GIGYF2: variants seen among roughly 807,000 people sequenced by gnomAD.
GIGYF2 encodes the protein GRB10 interacting GYF protein 2, also known as GRB10-interacting GYF protein 2.
GIGYF2 carries 25 observed loss-of-function variants against 208.1 expected under a neutral mutation model. The ratio of observed to expected loss-of-function variants is 0.12; its 90% CI spans 0.09 to 0.17. GIGYF2 has a LOEUF of 0.17. GIGYF2 is among the 10% of genes least tolerant of loss of function. GIGYF2 has a pLI of 1.00. For missense variants in GIGYF2, 1,302 were observed against 1,579.4 expected, an observed-to-expected ratio of 0.82 and a Z score of 2.98; for synonymous variants, 534 against 543.8, an observed-to-expected ratio of 0.98 and a Z score of 0.25.
intron 2 of GIGYF2, among the ~76,000 whole-genome samples, chr2:232,732,873 A>G (rs555094137): frequency 7.2e-5 from 11 of 151,876 alleles, no homozygotes; most frequent in Admixed American, 6.6e-4. Context: ...CAAGCGATCC[A>G]CCCACCTTGG....
intron 14 of GIGYF2, among the ~76,000 whole-genome samples, chr2:232,800,691 C>T (rs1202805519): frequency 1.3e-5 from 2 of 151,498 alleles, no homozygotes; most frequent in Non-Finnish European, 2.9e-5. Context: ...CTCCAGTGAT[C>T]CCACCCTAGC....
At chr2:232,850,112 G>T in intron 27 of GIGYF2, 150 bp from the exon 28 acceptor site, 1 of 752,150 alleles carries the variant, frequency 1.3e-6, no homozygotes, top group South Asian at 1.5e-5. Flanking sequence ...GGCCGCTCTT[G>T]ATTTTATTAT....
intron 6 of GIGYF2, among the ~76,000 whole-genome samples, chr2:232,758,800 G>T (rs1698639006): frequency 6.6e-6 from 1 of 152,130 alleles, no homozygotes; most frequent in South Asian, 2.1e-4. Context: ...TGAGCAAATG[G>T]CTTTCTCTAA....
At chr2:232,780,734 C>T (rs949204434) in intron 8 of GIGYF2, among the ~76,000 whole-genome samples, 1 of 152,074 alleles carries the variant, frequency 6.6e-6, no homozygotes, top group Non-Finnish European at 1.5e-5. Flanking sequence ...AGTAAGTCAA[C>T]TGAAATACAG....
intron 2 of GIGYF2, among the ~76,000 whole-genome samples, chr2:232,721,069 G>A (rs1696922282): frequency 6.6e-6 from 1 of 152,160 alleles, no homozygotes; most frequent in African/African-American, 2.4e-5. Context: ...ATGCTAATAG[G>A]GTGGTCTCAG....
At chr2:232,827,953 G>T (rs1216868041) in intron 21 of GIGYF2, among the ~76,000 whole-genome samples, 1 of 151,786 alleles carries the variant, frequency 6.6e-6, no homozygotes, top group Non-Finnish European at 1.5e-5. Flanking sequence ...TTGAGAATGG[G>T]TTATTTAATT....
chr2:232,747,492 T>G, intron 3 of GIGYF2, 123 bp from the exon 4 acceptor site: 75 of 1,033,988 alleles, frequency 7.3e-5, no homozygotes, highest in Non-Finnish European at 1.1e-4. Context: ...TCTGATACTT[T>G]GAGATAGTAG....
intron 21 of GIGYF2, among the ~76,000 whole-genome samples, chr2:232,821,358 C>G (rs946860452): frequency 2.0e-5 from 3 of 152,144 alleles, no homozygotes; most frequent in East Asian, 3.9e-4. Context: ...TGCTGCCACG[C>G]TCGGCTAATT....
At chr2:232,782,173 A>G (rs535748125) in intron 8 of GIGYF2, among the ~76,000 whole-genome samples, 26 of 152,354 alleles carry the variant, frequency 1.7e-4, no homozygotes, top group Non-Finnish European at 2.4e-4. Flanking sequence ...ACAAACAAGC[A>G]AACAAATGGT....
intron 2 of GIGYF2, among the ~76,000 whole-genome samples, chr2:232,723,515 C>T (rs1368834562): frequency 3.3e-5 from 5 of 151,010 alleles, no homozygotes; most frequent in Non-Finnish European, 7.4e-5. Context: ...ACTGCAACCC[C>T]GCCCCCTGGG....
intron 7 of GIGYF2, 87 bp downstream of exon 7, chr2:232,760,678 C>T (rs145745005): frequency 3.7e-6 from 3 of 801,710 alleles, no homozygotes; most frequent in African/African-American, 1.7e-5. Flanking sequence ...TGTTTTTGTA[C>T]AGTTAAAGGG....
chr2:232,788,511 C>G (rs1190230530), intron 9 of GIGYF2: 1 of 466,230 alleles, frequency 2.1e-6, no homozygotes, highest in Non-Finnish European at 4.5e-6. Context: ...AGACTATGTT[C>G]CCAACAAGCA....
intron 1 of GIGYF2, among the ~76,000 whole-genome samples, chr2:232,703,137 A>AC (rs1695931257): frequency 6.6e-6 from 1 of 152,046 alleles, no homozygotes; most frequent in African/African-American, 2.4e-5. Flanking sequence ...TTGAATGAAA[A>AC]CCCCAAATAA....
intron 3 of GIGYF2, among the ~76,000 whole-genome samples, chr2:232,739,371 C>T (rs1350858986): frequency 2.2e-5 from 3 of 136,322 alleles, no homozygotes; most frequent in Non-Finnish European, 3.2e-5. Flanking sequence ...ACCCCCCCCC[C>T]CCCGCAAAAA....
At chr2:232,827,851 G>T (rs1242607226) in intron 21 of GIGYF2, among the ~76,000 whole-genome samples, 1 of 151,964 alleles carries the variant, frequency 6.6e-6, no homozygotes, top group African/African-American at 2.4e-5. Flanking sequence ...CTTTAATTAC[G>T]TGTCACACTT....
chr2:232,742,735 A>T (rs949955577), intron 3 of GIGYF2, among the ~76,000 whole-genome samples: 2 of 152,182 alleles, frequency 1.3e-5, no homozygotes, highest in Non-Finnish European at 2.9e-5. Flanking sequence ...GTAATTGGGT[A>T]TGAGAGATGG....
intron 1 of GIGYF2, among the ~76,000 whole-genome samples, chr2:232,699,643 A>G (rs1322436159): frequency 6.6e-6 from 1 of 152,248 alleles, no homozygotes; most frequent in Non-Finnish European, 1.5e-5. Context: ...ATTGCTTTAC[A>G]AGAAGGAGGC....
At chr2:232,730,604 T>TAA (rs35629015) in intron 2 of GIGYF2, among the ~76,000 whole-genome samples, 42,620 of 112,766 alleles carry the variant, frequency 0.38, 7,112 homozygotes, top group South Asian at 0.64. Context: ...GACTCAGTCT[T>TAA]AAAAAAAAAA....
chr2:232,856,841 A>T lies in GIGYF2; in HGVS notation c.3881A>T (p.Glu1294Val). 1 of 1,612,902 alleles carries T rather than the reference A, an allele frequency of 6.2e-7. No individual in the cohort carries two copies. The highest frequency in any genetic ancestry group is 8.5e-7 in the Non-Finnish European group (1 of 1,178,860). Residue 1294 changes from glutamate (E) to valine (V), a missense_variant, in exon 29 of 29, where the codon GAG (glutamate) becomes GTG (valine). Transcript: ENST00000373563. ...GAGCGACTCAACATGGGTGAAATCG[A>T]GACGTTGGATGACTACTGAGCACCT... is the stretch of plus-strand genomic sequence containing the variant. Reference protein sequence around the residue: ...SSERLNMGEIETLDDY With the variant: ...SSERLNMGEIVTLDDY
Sources: gnomAD v4.1 joint callset for allele counts (sites outside exome capture counted in the v4.1 genomes callset) on GRCh38, gnomAD v4.1.1 for gene constraint, MANE v1.5 for transcripts, NCBI Gene and HGNC (gene_info 2026-07-23, HGNC 2026-07-21) for gene names.